Variants in KAT6B observed in about 807,000 individuals in gnomAD.
The protein encoded by KAT6B is lysine acetyltransferase 6B.
KAT6B carries 10 observed loss-of-function variants against 187.5 expected under a neutral mutation model. That is an observed-to-expected ratio of 0.05 (90% confidence interval 0.03 to 0.09). The LOEUF is 0.09. KAT6B is among the 10% of genes least tolerant of loss of function. The probability of loss-of-function intolerance (pLI) is 1.00; values close to 1 mark genes in which losing one functional copy is unlikely to be tolerated. For missense variants in KAT6B, 1,952 were observed against 2,558.9 expected, an observed-to-expected ratio of 0.76 and a Z score of 5.12; for synonymous variants, 861 against 926.8, an observed-to-expected ratio of 0.93 and a Z score of 1.29.
chr10:75,003,015 T>G (rs1392377960), intron 13 of KAT6B: 2 of 152,260 alleles, frequency 1.3e-5, no homozygotes, highest in African/African-American at 4.8e-5. Context: ...GGGACAATTT[T>G]ATTTTATTAG....
At chr10:74,863,529 A>G (rs995777332) in intron 3 of KAT6B, among the ~76,000 whole-genome samples, 1 of 152,224 alleles carries the variant, frequency 6.6e-6, no homozygotes, top group East Asian at 1.9e-4. Context: ...TTGGAAGCAT[A>G]TTATCAAAAA....
chr10:74,896,965 T>G (rs1846035260), intron 3 of KAT6B, among the ~76,000 whole-genome samples: 1 of 152,222 alleles, frequency 6.6e-6, no homozygotes, highest in Admixed American at 6.5e-5. Context: ...TTATAGTCTT[T>G]TCTTTGGTGT....
chr10:75,010,780 G>A (rs1433644898), intron 13 of KAT6B, among the ~76,000 whole-genome samples: 3 of 152,210 alleles, frequency 2.0e-5, no homozygotes, highest in Non-Finnish European at 4.4e-5. Context: ...AGAATGAAGT[G>A]TCTCAGCTGC....
intron 9 of KAT6B, among the ~76,000 whole-genome samples, chr10:74,978,369 A>G (rs1274447268): frequency 6.6e-6 from 1 of 152,202 alleles, no homozygotes; most frequent in East Asian, 1.9e-4. Flanking sequence ...CAAAACTCCT[A>G]CGTTGATCAG....
At chr10:74,891,787 G>A (rs994338042) in intron 3 of KAT6B, among the ~76,000 whole-genome samples, 6 of 152,164 alleles carry the variant, frequency 3.9e-5, no homozygotes, top group African/African-American at 4.8e-5. Context: ...GGCATGTAAC[G>A]TGGACTGGCA....
At chr10:74,977,618 G>A (rs1255151583) in intron 9 of KAT6B, among the ~76,000 whole-genome samples, 181 bp downstream of exon 9, 2 of 152,100 alleles carry the variant, frequency 1.3e-5, no homozygotes, top group South Asian at 2.1e-4. Context: ...TAGAATTGTC[G>A]CCACTCTTAA....
At chr10:74,952,210 C>T in intron 3 of KAT6B, among the ~76,000 whole-genome samples, 1 of 152,078 alleles carries the variant, frequency 6.6e-6, no homozygotes, top group Middle Eastern at 3.2e-3. Flanking sequence ...AAAAAATTAG[C>T]TGGGCGTGGT....
intron 3 of KAT6B, among the ~76,000 whole-genome samples, chr10:74,959,767 C>T (rs1028981737): frequency 2.6e-5 from 4 of 152,178 alleles, no homozygotes; most frequent in Admixed American, 1.3e-4. Flanking sequence ...TACAACCTGG[C>T]GACAGAGCGA....
intron 3 of KAT6B, among the ~76,000 whole-genome samples, chr10:74,852,682 C>G (rs943102111): frequency 2.0e-5 from 3 of 152,216 alleles, no homozygotes; most frequent in Non-Finnish European, 2.9e-5. Context: ...CTTGTCTAGA[C>G]TTCTAATGAA....
At chr10:75,014,876 C>G (rs143618092) in intron 13 of KAT6B, among the ~76,000 whole-genome samples, 6 of 152,292 alleles carry the variant, frequency 3.9e-5, no homozygotes, top group African/African-American at 1.4e-4. Flanking sequence ...ATCTTGCATC[C>G]AAGGAGCTGA....
chr10:74,857,205 A>G (rs1189960355), intron 3 of KAT6B, among the ~76,000 whole-genome samples: 2 of 152,204 alleles, frequency 1.3e-5, no homozygotes, highest in Non-Finnish European at 2.9e-5. Context: ...ACACAAATGT[A>G]TTGTCTTACA....
chr10:74,977,928 C>T (rs1239282071), intron 9 of KAT6B, among the ~76,000 whole-genome samples: 6 of 152,038 alleles, frequency 3.9e-5, no homozygotes, highest in African/African-American at 1.5e-4. Flanking sequence ...TTTTTATTGT[C>T]CAGTAATTTC....
At chr10:74,910,335 A>G (rs1405051582) in intron 3 of KAT6B, among the ~76,000 whole-genome samples, 1 of 152,142 alleles carries the variant, frequency 6.6e-6, no homozygotes, top group African/African-American at 2.4e-5. Context: ...TTTTCTCAAT[A>G]ATAATGGCAT....
intron 15 of KAT6B, 52 bp downstream of exon 15, chr10:75,021,337 T>C: frequency 3.8e-6 from 6 of 1,586,256 alleles, no homozygotes; most frequent in Non-Finnish European, 5.2e-6. Context: ...CTTGTAGCAT[T>C]CTTAAGCTAA....
intron 3 of KAT6B, among the ~76,000 whole-genome samples, chr10:74,891,442 T>C (rs947932246): frequency 2.0e-5 from 3 of 152,254 alleles, no homozygotes; most frequent in Non-Finnish European, 4.4e-5. Context: ...TTTCCTTAAA[T>C]GGTACAAGGG....
chr10:74,845,651 C>T (rs919536943), intron 3 of KAT6B, among the ~76,000 whole-genome samples: 1 of 151,396 alleles, frequency 6.6e-6, no homozygotes, highest in African/African-American at 2.4e-5. Flanking sequence ...TGTATGCCAC[C>T]ATGCCCAGCT....
intron 3 of KAT6B, among the ~76,000 whole-genome samples, chr10:74,912,379 A>G (rs185882710): frequency 7.0e-5 from 10 of 142,262 alleles, no homozygotes; most frequent in African/African-American, 2.2e-4. Flanking sequence ...ATGGATGGAT[A>G]GATAGATAGA....
chr10:74,864,498 T>C (rs1843417897), intron 3 of KAT6B, among the ~76,000 whole-genome samples: 1 of 152,048 alleles, frequency 6.6e-6, no homozygotes, highest in African/African-American at 2.4e-5. Flanking sequence ...AAAGCCTGTA[T>C]ATGTTCTGTA....
At position 74,984,870 on chromosome 10, in the gene KAT6B, A is replaced by G; in HGVS notation, c.2374-210A>G. 5.2e-6 allele frequency: 3 copies of G among 576,068 alleles called. No homozygotes were observed. The South Asian group carries it at 6.1e-5, about 12-fold the overall frequency. 35.7% of individuals were successfully genotyped at this position (576,068 alleles called of 1,614,324 possible). A position where few individuals can be genotyped will look rare whatever the true frequency, so the allele number is the denominator to read the frequency against. On this transcript the variant is annotated intron_variant, in intron 11 of 17. Coordinates refer to ENST00000287239, the MANE Select transcript of KAT6B (RefSeq NM_012330.4). The stretch of plus-strand genomic sequence containing the variant: ...GAGAAATTTTAACTACCTTAAATGT[A>G]CCCTAATTTAAGAGAAAATGTGGAA...
Sources: gnomAD v4.1 joint callset for allele counts (sites outside exome capture counted in the v4.1 genomes callset) on GRCh38, gnomAD v4.1.1 for gene constraint, MANE v1.5 for transcripts, NCBI Gene and HGNC (gene_info 2026-07-23, HGNC 2026-07-21) for gene names.